NECAB1: variants seen among roughly 807,000 people sequenced by gnomAD.
NECAB1 encodes the protein N-terminal EF-hand calcium binding protein 1, also known as N-terminal EF-hand calcium-binding protein 1.
Under a neutral mutation model 57.5 loss-of-function variants are expected in NECAB1, and 29 were observed. That is an observed-to-expected ratio of 0.50 (90% CI 0.38 to 0.69). NECAB1 has a LOEUF of 0.69. Among genes scored for constraint, NECAB1 ranks in the 30% least tolerant of loss-of-function variants. The pLI, the probability that NECAB1 is intolerant of heterozygous loss-of-function variation, is 0.00. For synonymous variants in NECAB1, 142 were observed against 147.7 expected, an observed-to-expected ratio of 0.96 and a Z score of 0.28; for missense variants, 372 against 413.8, an observed-to-expected ratio of 0.90 and a Z score of 0.88.
rs575285421 is a variant in NECAB1, at chr8:90,888,664, TG to T, written c.357+7536del. ...ATGTTATTTGAGAATTAATTAGTTTTGGCAAAGTTCTTATTTTCAAAATAAG... is the reference window on the plus strand; with the variant it reads ...ATGTTATTTGAGAATTAATTAGTTTTGCAAAGTTCTTATTTTCAAAATAAG... On this transcript the variant is annotated intron_variant, in intron 5 of 12. Transcript: ENST00000417640. 5.1e-4 allele frequency among the ~76,000 whole-genome samples: 77 copies of T among 152,326 alleles called. 2 individuals are homozygous for T. In the South Asian group the frequency reaches 0.015, roughly 30 times the overall value.
At chr8:90,876,362 C>T (rs1031931332) in intron 4 of NECAB1, among the ~76,000 whole-genome samples, 8 of 152,074 alleles carry the variant, frequency 5.3e-5, no homozygotes, top group African/African-American at 1.7e-4. Flanking sequence ...TCAGAACATG[C>T]GGGTTTTAAC....
intron 5 of NECAB1, among the ~76,000 whole-genome samples, chr8:90,912,697 G>A (rs751997658): frequency 6.6e-6 from 1 of 151,674 alleles, no homozygotes; most frequent in Non-Finnish European, 1.5e-5. Context: ...ATTTTTATAA[G>A]GCTTAAATTT....
In NECAB1 at chr8:90,906,730, T is replaced by C. The variant is rs1382929355; in HGVS notation, c.358-10762T>C. 2.0e-5 allele frequency among the ~76,000 whole-genome samples: 3 copies of C among 151,852 alleles called. No homozygotes were observed. In the South Asian group the frequency reaches 6.2e-4, roughly 32 times the overall value. The stretch of plus-strand genomic sequence containing the variant: ...AAAATTGGAACTTTCAGAAATTTTG[T>C]TTAATGTAAATATTACCTTCCAATT... On this transcript the variant is annotated intron_variant, in intron 5 of 12. Transcript: ENST00000417640.
intron 1 of NECAB1, among the ~76,000 whole-genome samples, chr8:90,793,106 A>G (rs1811602548): frequency 6.6e-6 from 1 of 152,120 alleles, no homozygotes; most frequent in Non-Finnish European, 1.5e-5. Context: ...AGCCAGATAC[A>G]TTTGTTTGTG....
chr8:90,844,801 T>C (rs1812525555), intron 3 of NECAB1, among the ~76,000 whole-genome samples: 1 of 152,216 alleles, frequency 6.6e-6, no homozygotes, highest in South Asian at 2.1e-4. Flanking sequence ...TTCTAAATCT[T>C]TTCTCTTACA....
intron 5 of NECAB1, among the ~76,000 whole-genome samples, chr8:90,906,898 T>TATATATGTATATATATATGTATATATAC (rs1472192610): frequency 9.9e-5 from 14 of 140,948 alleles, no homozygotes; most frequent in African/African-American, 3.3e-4. Context: ...TATATATATA[T>TATATATGTATATATATATGTATATATAC]ATATATATAT....
chr8:90,810,941 TTTC>T (rs1811948277), intron 2 of NECAB1, among the ~76,000 whole-genome samples: 1 of 151,784 alleles, frequency 6.6e-6, no homozygotes, highest in Admixed American at 6.6e-5. Context: ...ATATTTTTCT[TTTC>T]TTTTTTTTTT....
At chr8:90,896,185 C>T (rs1809325171) in intron 5 of NECAB1, among the ~76,000 whole-genome samples, 1 of 152,162 alleles carries the variant, frequency 6.6e-6, no homozygotes, top group Non-Finnish European at 1.5e-5. Flanking sequence ...TCCAGAGAAG[C>T]TTCTTCTTTT....
At chr8:90,925,926 T>G (rs977423292) in intron 7 of NECAB1, among the ~76,000 whole-genome samples, 2 of 152,116 alleles carry the variant, frequency 1.3e-5, no homozygotes, top group Non-Finnish European at 2.9e-5. Context: ...AGCTAACATC[T>G]AAAAGACTTG....
chr8:90,926,223 T>A (rs1810265375), intron 7 of NECAB1, among the ~76,000 whole-genome samples: 1 of 152,142 alleles, frequency 6.6e-6, no homozygotes, highest in South Asian at 2.1e-4. Context: ...AATATTGGAG[T>A]AATTTTTATA....
intron 8 of NECAB1, among the ~76,000 whole-genome samples, chr8:90,933,317 G>T (rs1345895465): frequency 6.6e-6 from 1 of 152,080 alleles, no homozygotes; most frequent in Non-Finnish European, 1.5e-5. Context: ...CAAAAATGTG[G>T]AACCAACCCA....
At position 90,911,472 on chromosome 8, in the gene NECAB1, C is replaced by T. The variant is rs557076157; in HGVS notation, c.358-6020C>T. Among the ~76,000 whole-genome samples, 26 of 152,022 alleles carry T rather than the reference C, an allele frequency of 1.7e-4. 1 individual carries two copies. The South Asian group carries it at 4.8e-3, about 28-fold the overall frequency. ...ATTTACTAATTTACTATACTTGAGG[C>T]GAATCAAGTCAAGAATGGAAAAATT... On this transcript the variant is annotated intron_variant, in intron 5 of 12. Transcript: ENST00000417640.
intron 10 of NECAB1, among the ~76,000 whole-genome samples, chr8:90,945,162 G>A (rs1810773308): frequency 6.6e-6 from 1 of 152,112 alleles, no homozygotes; most frequent in African/African-American, 2.4e-5. Flanking sequence ...CCACCTCCCA[G>A]GTTCAAGCAA....
At chr8:90,901,033 A>C (rs1809489093) in intron 5 of NECAB1, among the ~76,000 whole-genome samples, 1 of 152,208 alleles carries the variant, frequency 6.6e-6, no homozygotes, top group Non-Finnish European at 1.5e-5. Context: ...TTTACCCTTC[A>C]ACATTAATAT....
At chr8:90,816,403 C>A (rs1812062193) in intron 2 of NECAB1, among the ~76,000 whole-genome samples, 1 of 151,666 alleles carries the variant, frequency 6.6e-6, no homozygotes, top group Non-Finnish European at 1.5e-5. Context: ...ATGTTGTATC[C>A]AAAAGCTCAT....
chr8:90,792,032 CT>C, intron 1 of NECAB1, 47 bp downstream of exon 1: 2 of 1,470,966 alleles, frequency 1.4e-6, no homozygotes, highest in East Asian at 2.5e-5. Context: ...CAGCACCTTT[CT>C]TTTCCCCGAA....
rs1324571400 is a variant in NECAB1 at position 90,907,185 on chromosome 8, AGAG to A, written c.358-10306_358-10304del. ...GAGAGAGAGAGAGAGAGAGAGAGAG[AGAG>A]AATTAGTAGACTGCATTGTTTTAGC... On this transcript the variant is annotated intron_variant, in intron 5 of 12. Coordinates refer to ENST00000417640, the MANE Select transcript of NECAB1 (RefSeq NM_022351.5). 1.0e-3 allele frequency among the ~76,000 whole-genome samples: 148 copies of A among 144,642 alleles called. 2 individuals carry two copies. The highest frequency in any genetic ancestry group is 4.1e-3 in the African/African-American group (145 of 35,212). 94.9% of individuals were successfully genotyped at this position (144,642 alleles called of 152,430 possible).
At chr8:90,792,885 C>T (rs1320212461) in intron 1 of NECAB1, among the ~76,000 whole-genome samples, 2 of 152,042 alleles carry the variant, frequency 1.3e-5, no homozygotes, top group Non-Finnish European at 2.9e-5. Flanking sequence ...AGCTGCTTGC[C>T]GGGCTCCAGG....
chr8:90,849,686 A>ATTTTTTTTTTTT (rs34779201), intron 3 of NECAB1, among the ~76,000 whole-genome samples: 2 of 84,110 alleles, frequency 2.4e-5, no homozygotes, highest in African/African-American at 4.1e-5. Flanking sequence ...GTTTCCAGTA[A>ATTTTTTTTTTTT]TTTTTTTTTT....
Sources: allele counts gnomAD v4.1 joint callset (sites outside exome capture counted in the v4.1 genomes callset), GRCh38; gene constraint gnomAD v4.1.1; transcripts MANE v1.5; gene names NCBI Gene and HGNC (gene_info 2026-07-23, HGNC 2026-07-21).